MAML3: variants seen among roughly 807,000 people sequenced by gnomAD.
MAML3 encodes the protein mastermind like transcriptional coactivator 3, also known as mastermind-like protein 3.
MAML3 carries 27 observed loss-of-function variants against 101.9 expected under a neutral mutation model. The observed-to-expected ratio is 0.27, with a 90% CI of 0.20 to 0.37. MAML3 has a LOEUF of 0.37. MAML3 is among the 10% of genes least tolerant of loss of function. The pLI, the probability that MAML3 is intolerant of heterozygous loss-of-function variation, is 1.00. For synonymous variants in MAML3, 501 were observed against 555.9 expected (o/e 0.90, Z 1.39); for missense variants, 1,316 against 1,444.9 (o/e 0.91, Z 1.45).
chr4:140,050,894 C>A (rs1727257257), intron 1 of MAML3, among the ~76,000 whole-genome samples: 1 of 152,204 alleles, frequency 6.6e-6, no homozygotes, highest in Non-Finnish European at 1.5e-5. Context: ...AAGTTTTACT[C>A]AGTATCCACT....
chr4:140,026,682 T>C (rs1726830534), intron 1 of MAML3, among the ~76,000 whole-genome samples: 1 of 152,246 alleles, frequency 6.6e-6, no homozygotes, highest in African/African-American at 2.4e-5. Context: ...CAGCCACTGA[T>C]ACATTTTGTT....
intron 1 of MAML3, chr4:140,134,180 G>A: frequency 2.2e-6 from 1 of 456,730 alleles, no homozygotes; most frequent in Non-Finnish European, 4.4e-6. Flanking sequence ...TTCTTAAAGG[G>A]AGAATATGTA....
intron 1 of MAML3, among the ~76,000 whole-genome samples, chr4:139,902,275 G>GCGCGCGCGCACACACACA (rs1732742024): frequency 2.8e-5 from 1 of 35,898 alleles, no homozygotes; most frequent in African/African-American, 5.9e-5. Context: ...ACACACACAC[G>GCGCGCGCGCACACACACA]CACACACACA....
At chr4:139,825,741 A>G (rs1731049727) in intron 2 of MAML3, among the ~76,000 whole-genome samples, 1 of 150,820 alleles carries the variant, frequency 6.6e-6, no homozygotes, top group South Asian at 2.1e-4. Flanking sequence ...AAATATAGAC[A>G]ATGACTTCAA....
At chr4:139,986,398 C>T (rs937376678) in intron 1 of MAML3, among the ~76,000 whole-genome samples, 30 of 152,310 alleles carry the variant, frequency 2.0e-4, no homozygotes, top group African/African-American at 6.7e-4. Flanking sequence ...TGAATTTCTG[C>T]TTCTTTTTAT....
intron 1 of MAML3, among the ~76,000 whole-genome samples, chr4:139,943,004 C>A (rs991863246): frequency 6.6e-6 from 1 of 152,094 alleles, no homozygotes; most frequent in Non-Finnish European, 1.5e-5. Flanking sequence ...TTTTGTTCAA[C>A]AAAAGCCATA....
chr4:139,981,514 GTCTTATATTAGCATGGTA>G (rs1237565733), intron 1 of MAML3, among the ~76,000 whole-genome samples: 5 of 152,030 alleles, frequency 3.3e-5, no homozygotes, highest in Non-Finnish European at 7.4e-5. Flanking sequence ...TATTATTAAC[GTCTTATATTAGCATGGTA>G]CATTTGTCAC....
At chr4:140,104,350 AC>A (rs143518234) in intron 1 of MAML3, among the ~76,000 whole-genome samples, 23,598 of 116,926 alleles carry the variant, frequency 0.2, 2,947 homozygotes, top group Middle Eastern at 0.36. Context: ...CAAAAAAAAA[AC>A]CAAACCTATT....
At chr4:140,018,601 CT>C (rs1475563501) in intron 1 of MAML3, among the ~76,000 whole-genome samples, 1 of 152,122 alleles carries the variant, frequency 6.6e-6, no homozygotes, top group Non-Finnish European at 1.5e-5. Context: ...GCCATGCTTA[CT>C]TTTTTTCCAT....
At chr4:139,880,439 G>A (rs943165976) in intron 2 of MAML3, among the ~76,000 whole-genome samples, 4 of 152,060 alleles carry the variant, frequency 2.6e-5, no homozygotes, top group African/African-American at 9.7e-5. Context: ...CAGTCAGTGA[G>A]GAGTGTTCTG....
At position 139,757,951 on chromosome 4, in the gene MAML3, A is replaced by G. The variant is rs186919691; in HGVS notation, c.2080-27284T>C. ...CACTTCCTCTCTGAATATCCAAAGC[A>G]CCTTCTGCCTTTCCTCCACTAGCCT... is the stretch of plus-strand genomic sequence containing the variant. On this transcript the variant is annotated intron_variant, in intron 2 of 4. Transcript: ENST00000509479. Among the ~76,000 whole-genome samples the G allele has an allele frequency of 2.7e-3, 409 of 152,004 alleles. 1 individual carries two copies. Among genetic ancestry groups the G allele is most frequent in the African/African-American group, 9.4e-3 (388 of 41,446 alleles).
At chr4:139,918,578 G>T (rs1733068201) in intron 1 of MAML3, among the ~76,000 whole-genome samples, 2 of 152,132 alleles carry the variant, frequency 1.3e-5, no homozygotes, top group African/African-American at 4.8e-5. Context: ...TCACACCACT[G>T]ATCACAATTT....
chr4:139,954,594 A>G (rs1241040769), intron 1 of MAML3, among the ~76,000 whole-genome samples: 1 of 152,210 alleles, frequency 6.6e-6, no homozygotes, highest in African/African-American at 2.4e-5. Context: ...AGGCAGCTCA[A>G]ACACAAGGAA....
At chr4:139,778,955 C>T (rs890143994) in intron 2 of MAML3, among the ~76,000 whole-genome samples, 53 of 146,862 alleles carry the variant, frequency 3.6e-4, no homozygotes, top group African/African-American at 1.2e-3. Context: ...TGCATTCCAG[C>T]CTGGGTGACA....
At chr4:139,864,461 G>A (rs1022133984) in intron 2 of MAML3, among the ~76,000 whole-genome samples, 1 of 151,988 alleles carries the variant, frequency 6.6e-6, no homozygotes, top group African/African-American at 2.4e-5. Context: ...GGCAGATCAC[G>A]AGGTCAAGAG....
At chr4:139,844,978 TTCTC>T (rs897242162) in intron 2 of MAML3, among the ~76,000 whole-genome samples, 1 of 151,866 alleles carries the variant, frequency 6.6e-6, no homozygotes, top group Non-Finnish European at 1.5e-5. Flanking sequence ...CTATTTCTCT[TTCTC>T]TCTCTCTGTC....
intron 1 of MAML3, among the ~76,000 whole-genome samples, chr4:140,131,879 C>A (rs976865450): frequency 6.6e-6 from 1 of 152,238 alleles, no homozygotes; most frequent in Non-Finnish European, 1.5e-5. Flanking sequence ...AAATGAGACA[C>A]CAGGGTGTTC....
At chr4:139,730,233 A>G (rs1172307536) in intron 3 of MAML3, 183 bp downstream of exon 3, 1 of 621,342 alleles carries the variant, frequency 1.6e-6, no homozygotes. Flanking sequence ...TTAATTCATT[A>G]TAGGAAAAAC....
At chr4:140,061,977 G>C (rs906680401) in intron 1 of MAML3, among the ~76,000 whole-genome samples, 1 of 152,214 alleles carries the variant, frequency 6.6e-6, no homozygotes, top group Middle Eastern at 3.4e-3. Flanking sequence ...AAGAAAGGAG[G>C]AGAATGTACA....
Sources: allele counts gnomAD v4.1 joint callset (sites outside exome capture counted in the v4.1 genomes callset), GRCh38; gene constraint gnomAD v4.1.1; transcripts MANE v1.5; gene names NCBI Gene and HGNC (gene_info 2026-07-23, HGNC 2026-07-21).